The following NT5C2 variants were observed in gnomAD, a reference collection of about 807,000 sequenced individuals.
NT5C2 encodes 5'-nucleotidase, cytosolic II, also known as cytosolic purine 5'-nucleotidase.
In NT5C2, 58 loss-of-function variants were observed where a neutral mutation model predicts 76.1. The observed-to-expected ratio is 0.76, with a 90% CI of 0.62 to 0.95. The LOEUF (loss-of-function observed/expected upper bound fraction) is 0.95. Among genes scored for constraint, NT5C2 ranks in the 40% least tolerant of loss-of-function variants. The pLI is 0.00. For missense variants in NT5C2, 478 were observed against 690.3 expected (o/e 0.69, Z 3.45); for synonymous variants, 229 against 237.4 (o/e 0.96, Z 0.32).
intron 4 of NT5C2, among the ~76,000 whole-genome samples, chr10:103,131,067 A>G (rs2136071314): frequency 6.6e-6 from 1 of 152,346 alleles, no homozygotes; most frequent in South Asian, 2.1e-4. Context: ...GCAAATTTAC[A>G]GTGTGATAAG....
At chr10:103,125,052 A>T (rs1183793996) in intron 4 of NT5C2, 1 of 269,274 alleles carries the variant, frequency 3.7e-6, no homozygotes, top group Non-Finnish European at 7.3e-6. Flanking sequence ...CCTCCTGTGC[A>T]TTTTCGTCTT....
At chr10:103,097,494 G>T in intron 10 of NT5C2, 120 bp from the exon 11 acceptor site, 1 of 769,344 alleles carries the variant, frequency 1.3e-6, no homozygotes, top group Non-Finnish European at 2.2e-6. Flanking sequence ...AGGGTTAGCT[G>T]ATTTCAGAAT....
chr10:103,174,190 TGAG>T (rs1591762845), intron 3 of NT5C2, among the ~76,000 whole-genome samples: 1 of 152,076 alleles, frequency 6.6e-6, no homozygotes, highest in African/African-American at 2.4e-5. Context: ...GGAGATCACT[TGAG>T]GCCAGGAGTT....
intron 4 of NT5C2, among the ~76,000 whole-genome samples, chr10:103,137,943 T>C (rs1223506291): frequency 1.3e-5 from 2 of 152,180 alleles, no homozygotes; most frequent in Non-Finnish European, 2.9e-5. Flanking sequence ...GTTGGTTGGT[T>C]AGTTGGTTTC....
chr10:103,183,262 G>GTGATATATATATATTGAT (rs769522226), intron 1 of NT5C2, among the ~76,000 whole-genome samples: 2 of 73,344 alleles, frequency 2.7e-5, no homozygotes, highest in Non-Finnish European at 4.7e-5. Flanking sequence ...GTGTGTGTGT[G>GTGATATATATATATTGAT]ATATATATAT....
chr10:103,140,675 C>T (rs2080245971), intron 3 of NT5C2, among the ~76,000 whole-genome samples: 1 of 152,194 alleles, frequency 6.6e-6, no homozygotes, highest in Non-Finnish European at 1.5e-5. Flanking sequence ...GTTCCCTTTT[C>T]ATGCATCATT....
At position 103,144,203 on chromosome 10, in the gene NT5C2, A is replaced by G. The variant is rs1201108583; in HGVS notation, c.102-4724T>C. Among the ~76,000 whole-genome samples the G allele has an allele frequency of 2.6e-4, 39 of 152,192 alleles. 1 individual carries two copies. The highest frequency in any genetic ancestry group is 2.6e-3 in the Admixed American group (39 of 15,274). Reference sequence around the variant, plus strand: ...TAATTCAGGCTAGAGAGCCAACTGGATCAAATCCTTGATCAGGCCCTAACA... The same window carrying G: ...TAATTCAGGCTAGAGAGCCAACTGGGTCAAATCCTTGATCAGGCCCTAACA... On this transcript the variant is annotated intron_variant, in intron 3 of 18. Transcript: ENST00000404739.
At chr10:103,098,169 GA>G (rs2068664770) in intron 10 of NT5C2, 1 of 442,270 alleles carries the variant, frequency 2.3e-6, no homozygotes, top group Non-Finnish European at 4.4e-6. Flanking sequence ...TAGACTTATA[GA>G]AAAGCTGTGA....
At chr10:103,138,833 C>T (rs2079827385) in intron 4 of NT5C2, among the ~76,000 whole-genome samples, 2 of 151,990 alleles carry the variant, frequency 1.3e-5, no homozygotes, top group South Asian at 4.2e-4. Flanking sequence ...ATGGTGAAAC[C>T]CCATCTCTAC....
intron 2 of NT5C2, among the ~76,000 whole-genome samples, chr10:103,180,199 TA>T (rs1486281798): frequency 6.6e-6 from 1 of 152,106 alleles, no homozygotes; most frequent in African/African-American, 2.4e-5. Context: ...AAAAACACAA[TA>T]AGATACCAAA....
At chr10:103,142,821 A>G (rs1591411817) in intron 3 of NT5C2, among the ~76,000 whole-genome samples, 1 of 152,100 alleles carries the variant, frequency 6.6e-6, no homozygotes, top group East Asian at 1.9e-4. Context: ...TGTCTCTACT[A>G]AAAATACAAA....
chr10:103,190,927 T>C (rs560229639), intron 1 of NT5C2, among the ~76,000 whole-genome samples: 8 of 152,260 alleles, frequency 5.3e-5, no homozygotes, highest in African/African-American at 1.2e-4. Flanking sequence ...CCCAGAAATA[T>C]TGGTAAGAGC....
At chr10:103,163,834 T>C (rs1478211009) in intron 3 of NT5C2, among the ~76,000 whole-genome samples, 8 of 113,732 alleles carry the variant, frequency 7.0e-5, no homozygotes, top group East Asian at 2.6e-4. Context: ...CTGGCCAACA[T>C]AGTGAAACCG....
At chr10:103,155,508 C>G (rs374964661) in intron 3 of NT5C2, among the ~76,000 whole-genome samples, 1 of 152,232 alleles carries the variant, frequency 6.6e-6, no homozygotes, top group African/African-American at 2.4e-5. Context: ...GTATTAGCAG[C>G]AGGCTAAGAG....
chr10:103,176,399 G>T (rs919003433), intron 2 of NT5C2, among the ~76,000 whole-genome samples: 2 of 151,996 alleles, frequency 1.3e-5, no homozygotes, highest in African/African-American at 4.8e-5. Flanking sequence ...TTTCTTCCTC[G>T]ATTCTTTTCC....
chr10:103,157,193 T>G (rs1034283232), intron 3 of NT5C2, among the ~76,000 whole-genome samples: 1 of 151,628 alleles, frequency 6.6e-6, no homozygotes, highest in Admixed American at 6.6e-5. Flanking sequence ...CAAATGAACC[T>G]AATTATACTG....
Position 103,101,038 on chromosome 10 carries a change from T to C in NT5C2, c.539+7A>G, listed in dbSNP as rs1183922482. 4 of 1,439,898 alleles carry C rather than the reference T, an allele frequency of 2.8e-6. No homozygotes were observed. The highest frequency in any genetic ancestry group is 2.3e-5 in the East Asian group (1 of 44,046). The allele number at this position is 1,439,898 out of a possible 1,614,324, so 89.2% of individuals were successfully genotyped here. Reference sequence around the variant, plus strand: ...ATTGGAAAAAAATAATTATAGTATATACATACCTGGTATATCTGGGACAAT... The same window carrying C: ...ATTGGAAAAAAATAATTATAGTATACACATACCTGGTATATCTGGGACAAT... On this transcript the variant is annotated splice_region_variant and intron_variant, in intron 8 of 18. Transcript: ENST00000404739.
chr10:103,096,095 ATTC>A (rs1324408560), intron 11 of NT5C2, 115 bp from the exon 12 acceptor site: 1 of 690,938 alleles, frequency 1.4e-6, no homozygotes, highest in East Asian at 2.8e-5. Context: ...GACTCACCAC[ATTC>A]TTGTTTCCTC....
intron 8 of NT5C2, 138 bp from the exon 9 acceptor site, chr10:103,100,157 C>A: frequency 1.7e-6 from 1 of 574,118 alleles, no homozygotes. Flanking sequence ...TAATTACTCC[C>A]TAATGAAAGT....
Sources: gnomAD v4.1 joint callset for allele counts (sites outside exome capture counted in the v4.1 genomes callset) on GRCh38, gnomAD v4.1.1 for gene constraint, MANE v1.5 for transcripts, NCBI Gene and HGNC (gene_info 2026-07-23, HGNC 2026-07-21) for gene names.